The following FGF7 variants were observed in gnomAD, a reference collection of about 807,000 sequenced individuals.
FGF7 encodes the protein FGF-7.
Under a neutral mutation model 20.5 loss-of-function variants are expected in FGF7, and 6 were observed. The ratio of observed to expected loss-of-function variants is 0.29; its 90% CI spans 0.16 to 0.58. The LOEUF (loss-of-function observed/expected upper bound fraction) is 0.58, where lower values mean the gene tolerates loss of function less well. Ranked by LOEUF, FGF7 falls within the 20% of genes least tolerant of loss-of-function variation. The pLI is 0.90. For synonymous variants in FGF7, 64 were observed against 74.7 expected (o/e 0.86, Z 0.74); for missense variants, 144 against 228.8 (o/e 0.63, Z 2.39).
chr15:49,454,754 C>T (rs558841558), intron 2 of FGF7, among the ~76,000 whole-genome samples: 63 of 152,212 alleles, frequency 4.1e-4, no homozygotes, highest in Non-Finnish European at 7.1e-4. Flanking sequence ...GGATTATAGG[C>T]GCGTGCCACC....
chr15:49,455,202 T>C (rs1430127911), intron 2 of FGF7, among the ~76,000 whole-genome samples: 1 of 152,204 alleles, frequency 6.6e-6, no homozygotes, highest in East Asian at 1.9e-4. Context: ...TCTGGTGATA[T>C]TCCTGTTCAC....
At chr15:49,474,010 C>G (rs2055019648) in intron 2 of FGF7, among the ~76,000 whole-genome samples, 1 of 151,984 alleles carries the variant, frequency 6.6e-6, no homozygotes, top group African/African-American at 2.4e-5. Flanking sequence ...ATAATATAAC[C>G]TTGAAAAATA....
At chr15:49,476,023 T>C (rs561262201) in intron 2 of FGF7, among the ~76,000 whole-genome samples, 6 of 152,198 alleles carry the variant, frequency 3.9e-5, no homozygotes, top group African/African-American at 1.4e-4. Flanking sequence ...CTTCTGAACA[T>C]GACTTTTGAA....
Position 49,487,470 on chromosome 15 carries a change from T to C in FGF7, c.*2966T>C, listed in dbSNP as rs1169577269. On this transcript the variant is annotated 3_prime_UTR_variant, in exon 4 of 4. Transcript: ENST00000267843. Reference sequence around the variant, plus strand: ...ATAGTATAAATTGTCAGCCTTTGAGTTGGCTACAAATTCAATTTAATGACA... The same window carrying C: ...ATAGTATAAATTGTCAGCCTTTGAGCTGGCTACAAATTCAATTTAATGACA... The C allele has an allele frequency of 1.3e-5, 2 of 151,852 alleles. No individual in the cohort carries two copies. Among genetic ancestry groups the C allele is most frequent in the Non-Finnish European group, 2.9e-5 (2 of 67,866 alleles). The allele number at this position is 151,852 out of a possible 1,614,324, so 9.4% of individuals were successfully genotyped here.
At chr15:49,455,003 G>A (rs576886190) in intron 2 of FGF7, among the ~76,000 whole-genome samples, 1 of 152,266 alleles carries the variant, frequency 6.6e-6, no homozygotes, top group South Asian at 2.1e-4. Flanking sequence ...ATGGAAAACA[G>A]GTACCTTGCC....
At chr15:49,449,333 A>T (rs2052510345) in intron 2 of FGF7, among the ~76,000 whole-genome samples, 1 of 152,084 alleles carries the variant, frequency 6.6e-6, no homozygotes, top group African/African-American at 2.4e-5. Flanking sequence ...TTCTATACCT[A>T]CAAATTGTCC....
chr15:49,443,907 C>CT (rs923670863), intron 2 of FGF7, among the ~76,000 whole-genome samples: 3 of 138,040 alleles, frequency 2.2e-5, no homozygotes, highest in Non-Finnish European at 3.2e-5. Flanking sequence ...TATATGTACA[C>CT]TTTTTTTCCC....
chr15:49,424,771 A>G (rs1272806192), intron 2 of FGF7, 188 bp downstream of exon 2: 1 of 449,250 alleles, frequency 2.2e-6, no homozygotes, highest in Non-Finnish European at 3.9e-6. Flanking sequence ...GGGCAAATCT[A>G]CTTACATTAT....
chr15:49,442,993 C>T (rs1038328875), intron 2 of FGF7, among the ~76,000 whole-genome samples: 2 of 151,686 alleles, frequency 1.3e-5, no homozygotes, highest in African/African-American at 4.8e-5. Context: ...TGCTGTATTG[C>T]ATCTCACAAA....
intron 2 of FGF7, among the ~76,000 whole-genome samples, chr15:49,463,152 G>C (rs1254969234): frequency 1.3e-5 from 2 of 152,194 alleles, no homozygotes; most frequent in East Asian, 3.8e-4. Context: ...GCTTAGATCA[G>C]TACTACAATC....
chr15:49,483,677 A>G (rs2056152539), intron 3 of FGF7, among the ~76,000 whole-genome samples: 1 of 152,066 alleles, frequency 6.6e-6, no homozygotes, highest in African/African-American at 2.4e-5. Context: ...TCTCACAATC[A>G]TGGGCATTGA....
At chr15:49,462,711 T>C (rs1341259703) in intron 2 of FGF7, among the ~76,000 whole-genome samples, 1 of 152,206 alleles carries the variant, frequency 6.6e-6, no homozygotes, top group Admixed American at 6.5e-5. Flanking sequence ...ATTCAATTTA[T>C]TTTACTTCCA....
chr15:49,482,487 G>A (rs2056041698), intron 2 of FGF7, among the ~76,000 whole-genome samples: 1 of 151,894 alleles, frequency 6.6e-6, no homozygotes, highest in African/African-American at 2.4e-5. Flanking sequence ...TTTTAAGGCA[G>A]TAGGCTCTGT....
In FGF7 at chr15:49,485,703, C is replaced by T. The variant is rs12440028; in HGVS notation, c.*1199C>T. 0.22 allele frequency: 33,252 copies of T among 152,378 alleles called. 4,449 individuals are homozygous for T. Among genetic ancestry groups the T allele is most frequent in the East Asian group, 0.38 (1,970 of 5,168 alleles). The allele number at this position is 152,378 out of a possible 1,614,324, so 9.4% of individuals were successfully genotyped here. A position where few individuals can be genotyped will look rare whatever the true frequency, so the allele number is the denominator to read the frequency against. On this transcript the variant is annotated 3_prime_UTR_variant, in exon 4 of 4. Coordinates refer to ENST00000267843, the MANE Select transcript of FGF7 (RefSeq NM_002009.4). ...CAATACAAATATGTAAAAAATCTTT[C>T]ACCACATATTCTTGCCAATTAATTG...
intron 2 of FGF7, among the ~76,000 whole-genome samples, chr15:49,440,329 C>T (rs1198805563): frequency 6.6e-6 from 1 of 151,596 alleles, no homozygotes; most frequent in Non-Finnish European, 1.5e-5. Context: ...TGATATATTT[C>T]TTATAAGTAA....
chr15:49,469,363 T>G (rs2054539889), intron 2 of FGF7, among the ~76,000 whole-genome samples: 1 of 152,164 alleles, frequency 6.6e-6, no homozygotes, highest in South Asian at 2.1e-4. Context: ...TTTAATTCTA[T>G]TTCTACTTGA....
At chr15:49,447,730 T>A (rs900397727) in intron 2 of FGF7, among the ~76,000 whole-genome samples, 1 of 151,640 alleles carries the variant, frequency 6.6e-6, no homozygotes, top group African/African-American at 2.4e-5. Flanking sequence ...CTTGAGAAAA[T>A]TTTTATGTGG....
intron 2 of FGF7, among the ~76,000 whole-genome samples, chr15:49,444,033 T>C (rs1488548559): frequency 6.6e-6 from 1 of 151,674 alleles, no homozygotes; most frequent in Non-Finnish European, 1.5e-5. Flanking sequence ...GAATAGCAGG[T>C]GTAAACTAAC....
intron 2 of FGF7, among the ~76,000 whole-genome samples, chr15:49,426,875 A>G (rs949071037): frequency 6.6e-6 from 1 of 151,984 alleles, no homozygotes; most frequent in Non-Finnish European, 1.5e-5. Flanking sequence ...GATATCGTTA[A>G]TTATCCTGGA....
Sources: gnomAD v4.1 joint callset for allele counts (sites outside exome capture counted in the v4.1 genomes callset) on GRCh38, gnomAD v4.1.1 for gene constraint, MANE v1.5 for transcripts, NCBI Gene and HGNC (gene_info 2026-07-23, HGNC 2026-07-21) for gene names.